Variants in MMP10 observed in about 807,000 individuals in gnomAD.
MMP10 encodes stromelysin-2.
A neutral mutation model predicts 49.1 loss-of-function variants in MMP10; 50 were observed. That is an observed-to-expected ratio of 1.02 (90% CI 0.81 to 1.29). The LOEUF is 1.29. Ranked by LOEUF, MMP10 falls within the 50% of genes most tolerant of loss-of-function variation. The pLI, the probability that MMP10 is intolerant of heterozygous loss-of-function variation, is 0.00. For missense variants in MMP10, 613 were observed against 563.8 expected, an observed-to-expected ratio of 1.09 and a Z score of -0.88; for synonymous variants, 229 against 201.6, an observed-to-expected ratio of 1.14 and a Z score of -1.15.
chr11:102,780,558 G>C lies in MMP10; in HGVS notation c.34C>G (p.Leu12Val). Residue 12 changes from leucine (L) to valine (V), a missense_variant, in exon 1 of 10, where the codon CTG becomes GTG. Coordinates refer to ENST00000279441, the MANE Select transcript of MMP10 (RefSeq NM_002425.3). The part of the protein sequence containing the change: ...MHLAFLVLLC[L>V]PVCSAYPLSG... ...AGAGGATAGGCAGAGCAGACTGGCA[G>C]ACACAACAGCACAAGGAATGCAAGA... 1.2e-6 allele frequency: 2 copies of C among 1,613,938 alleles called. No individual in the cohort carries two copies. The highest frequency in any genetic ancestry group is 1.7e-6 in the Non-Finnish European group (2 of 1,179,932).
chr11:102,775,028 T>C (rs1169612766), intron 7 of MMP10, among the ~76,000 whole-genome samples, 160 bp downstream of exon 7: 1 of 152,240 alleles, frequency 6.6e-6, no homozygotes, highest in Non-Finnish European at 1.5e-5. Context: ...AAGAGGTCTC[T>C]AAAATAAAGT....
At chr11:102,776,918 A>G in intron 4 of MMP10, 142 bp from the exon 5 acceptor site, 1 of 952,316 alleles carries the variant, frequency 1.1e-6, no homozygotes, top group East Asian at 2.6e-5. Context: ...TGATTGGCAC[A>G]TTCCATACTT....
At position 102,775,253 on chromosome 11, in the gene MMP10, G is replaced by A. The variant is rs1424445749; in HGVS notation, c.1001C>T (p.Ser334Phe). 4 of 1,610,324 alleles carry A rather than the reference G, an allele frequency of 2.5e-6. No homozygotes were observed. In the East Asian group the frequency reaches 6.7e-5, roughly 27 times the overall value. ...TGCAGCATCCAAATATGATGGAAGA[G>A]AGGGCCAAAATGCAGAAATCAAATG... is the stretch of plus-strand genomic sequence containing the variant. Reference protein sequence around the residue: ...EFHLISAFWPSLPSYLDAAYE... With the variant: ...EFHLISAFWPFLPSYLDAAYE... Residue 334 changes from serine (S) to phenylalanine (F), a missense_variant, in exon 7 of 10, where the codon TCT becomes TTT. Physicochemically the swap from Ser to Phe is radical, Grantham distance 155. Coordinates refer to ENST00000279441, the MANE Select transcript of MMP10 (RefSeq NM_002425.3).
At chr11:102,778,536 G>A (rs1034860674) in intron 4 of MMP10, 88 bp downstream of exon 4, 27 of 1,519,810 alleles carry the variant, frequency 1.8e-5, no homozygotes, top group Non-Finnish European at 2.4e-5. Context: ...TAGTATATTC[G>A]ATTTATTGCT....
At chr11:102,779,025 G>A (rs1002686394) in intron 3 of MMP10, among the ~76,000 whole-genome samples, 188 bp downstream of exon 3, 1 of 152,198 alleles carries the variant, frequency 6.6e-6, no homozygotes, top group Non-Finnish European at 1.5e-5. Context: ...GACACAGAAG[G>A]TACCATCTAT....
intron 3 of MMP10, 143 bp downstream of exon 3, chr11:102,779,070 G>C: frequency 8.3e-7 from 1 of 1,204,654 alleles, no homozygotes; most frequent in Non-Finnish European, 1.1e-6. Context: ...TAAATCTGCT[G>C]GCACCTTAAT....
At chr11:102,780,226 T>C (rs1191136785) in intron 1 of MMP10, among the ~76,000 whole-genome samples, 1 of 152,212 alleles carries the variant, frequency 6.6e-6, no homozygotes. Flanking sequence ...TCATATATTC[T>C]CCATATGTTC....
chr11:102,773,178 A>G (rs562311932), intron 7 of MMP10, among the ~76,000 whole-genome samples, 172 bp from the exon 8 acceptor site: 1 of 152,330 alleles, frequency 6.6e-6, no homozygotes, highest in Non-Finnish European at 1.5e-5. Context: ...GAATGAATGA[A>G]TGAATAAATG....
At position 102,770,908 on chromosome 11, in the gene MMP10, A is replaced by G; in HGVS notation, c.1331-15T>C. The G allele has an allele frequency of 2.0e-6, 3 of 1,530,500 alleles. No individual in the cohort carries two copies. Among genetic ancestry groups the G allele is most frequent in the Non-Finnish European group, 2.7e-6 (3 of 1,109,164 alleles). The allele number at this position is 1,530,500 out of a possible 1,614,324, so 94.8% of individuals were successfully genotyped here. The stretch of plus-strand genomic sequence containing the variant: ...GTAGAAAAATCCTGTAAATATAGAT[A>G]AGGAAAATGATGAGACATCTTCAAA... On this transcript the variant is annotated splice_polypyrimidine_tract_variant and intron_variant, in intron 9 of 9. Coordinates refer to ENST00000279441, the MANE Select transcript of MMP10 (RefSeq NM_002425.3).
chr11:102,777,989 T>C (rs1463425059), intron 4 of MMP10, among the ~76,000 whole-genome samples: 2 of 152,280 alleles, frequency 1.3e-5, no homozygotes, highest in South Asian at 2.1e-4. Flanking sequence ...CCAGGCACTG[T>C]CAGAAATAGT....
Position 102,772,246 on chromosome 11 carries a change from A to G in MMP10, c.1227-131T>C. ...TTTAAGTTGTGTAAAAAAGTGTTAA[A>G]CATTTTTAGAGCTACAAGAATAGGT... On this transcript the variant is annotated intron_variant, in intron 8 of 9. Transcript: ENST00000279441. This position sits in a 1 kb window ranked among gnomAD's most constrained non-coding sequence, Gnocchi z 4.4. 1.7e-6 allele frequency: 1 copy of G among 582,906 alleles called. No homozygotes were observed. The highest frequency in any genetic ancestry group is 2.5e-5 in the South Asian group (1 of 39,258). The allele number at this position is 582,906 out of a possible 1,614,324, so 36.1% of individuals were successfully genotyped here.
chr11:102,779,452 C>T (rs1857793202), intron 2 of MMP10, 52 bp downstream of exon 2: 25 of 1,609,000 alleles, frequency 1.6e-5, no homozygotes, highest in South Asian at 1.5e-4. Flanking sequence ...CCAAATATGA[C>T]GAGTAACTTA....
rs763799407 is a variant in MMP10, at chr11:102,771,979, T to C, written c.1330+33A>G. The C allele has an allele frequency of 9.5e-6, 11 of 1,152,312 alleles. No individual in the cohort carries two copies. The African/African-American group carries it at 1.1e-4, about 11-fold the overall frequency. The allele number at this position is 1,152,312 out of a possible 1,614,324, so 71.4% of individuals were successfully genotyped here. A position where few individuals can be genotyped will look rare whatever the true frequency, so the allele number is the denominator to read the frequency against. ...TGAAATCATAAAAATGCCTGGAGAT[T>C]CCTGCATGACAATGAAATAAGGGTC... On this transcript the variant is annotated intron_variant, in intron 9 of 9. Transcript: ENST00000279441.
intron 9 of MMP10, among the ~76,000 whole-genome samples, chr11:102,771,190 C>T (rs920985102): frequency 6.6e-6 from 1 of 152,160 alleles, no homozygotes; most frequent in Non-Finnish European, 1.5e-5. Flanking sequence ...AAAGGAAGTG[C>T]TCTAAAACAT....
At position 102,772,043 on chromosome 11, in the gene MMP10, C is replaced by T. The variant is rs749814051; in HGVS notation, c.1299G>A (p.Glu433=). 5.6e-6 allele frequency: 9 copies of T among 1,613,288 alleles called. No individual in the cohort carries two copies. Among genetic ancestry groups the T allele is most frequent in the Non-Finnish European group, 7.6e-6 (9 of 1,179,444 alleles). The change falls in exon 9 of 10, where the codon GAG becomes GAA. Residue 433 remains glutamate, a synonymous_variant. Transcript: ENST00000279441. This position sits in a 1 kb window ranked among gnomAD's most constrained non-coding sequence, Gnocchi z 4.4. ...CCTGTAATACAGCATCAACCTTAGG[C>T]TCAACTCCTGGAAAGTCATCAGCTA... ...RLIADDFPGV[E]PKVDAVLQAF...
rs1861987090 is a variant in MMP10 at position 102,772,761 on chromosome 11, G to A, written c.1226+86C>T. 1 of 1,329,524 alleles carries A rather than the reference G, an allele frequency of 7.5e-7. No homozygotes were observed. Among genetic ancestry groups the A allele is most frequent in the Non-Finnish European group, 1.0e-6 (1 of 975,186 alleles). 82.4% of individuals were successfully genotyped at this position (1,329,524 alleles called of 1,614,324 possible). ...TTGAAGTTAGAGAAAGTTAGAGGGTGGGTGTAGGGTAGGGAAATATCCTTA... is the reference window on the plus strand; with the variant it reads ...TTGAAGTTAGAGAAAGTTAGAGGGTAGGTGTAGGGTAGGGAAATATCCTTA... On this transcript the variant is annotated intron_variant, in intron 8 of 9. Coordinates refer to ENST00000279441, the MANE Select transcript of MMP10 (RefSeq NM_002425.3). This position sits in a 1 kb window ranked among gnomAD's most constrained non-coding sequence, Gnocchi z 4.4.
Position 102,770,716 on chromosome 11 carries a change from T to A in MMP10, c.*77A>T, listed in dbSNP as rs758571206. ...CAGAACATGCAGGAAAAATTAACCA[T>A]TTTGGCTCATAATACATTAGATGAA... On this transcript the variant is annotated 3_prime_UTR_variant, in exon 10 of 10. Transcript: ENST00000279441. 1.1e-6 allele frequency: 1 copy of A among 899,964 alleles called. No individual in the cohort carries two copies. Among genetic ancestry groups the A allele is most frequent in the Non-Finnish European group, 1.7e-6 (1 of 586,084 alleles). 55.7% of individuals were successfully genotyped at this position (899,964 alleles called of 1,614,324 possible). A position where few individuals can be genotyped will look rare whatever the true frequency, so the allele number is the denominator to read the frequency against.
intron 6 of MMP10, 49 bp from the exon 7 acceptor site, chr11:102,775,370 G>A: frequency 3.4e-6 from 5 of 1,462,860 alleles, no homozygotes; most frequent in Admixed American, 2.1e-5. Context: ...TTAGATATGT[G>A]AAAAAAAAAT....
At chr11:102,780,381 T>G in intron 1 of MMP10, 106 bp downstream of exon 1, 1 of 861,786 alleles carries the variant, frequency 1.2e-6, no homozygotes, top group Non-Finnish European at 1.9e-6. Flanking sequence ...ATGCTACAGT[T>G]TTCTAACAAA....
Sources: allele counts gnomAD v4.1 joint callset (sites outside exome capture counted in the v4.1 genomes callset), GRCh38; gene constraint gnomAD v4.1.1; non-coding constraint Gnocchi (gnomAD v3.1); transcripts MANE v1.5; gene names NCBI Gene and HGNC (gene_info 2026-07-23, HGNC 2026-07-21).